Variants in NOX4 observed in about 807,000 individuals in gnomAD.
NOX4 encodes NADPH oxidase 4, also known as kidney oxidase-1.
In NOX4, 69 loss-of-function variants were observed where a neutral mutation model predicts 87.6. That is an observed-to-expected ratio of 0.79 (90% CI 0.65 to 0.96). The LOEUF is 0.96. NOX4 is among the 40% of genes least tolerant of loss of function. The probability of loss-of-function intolerance (pLI) is 0.00; values close to 1 mark genes in which losing one functional copy is unlikely to be tolerated. For synonymous variants in NOX4, 275 were observed against 238.2 expected (o/e 1.15, Z -1.42); for missense variants, 680 against 681.5 (o/e 1.00, Z 0.02).
intron 17 of NOX4, among the ~76,000 whole-genome samples, chr11:89,329,880 A>G (rs187028092): frequency 2.2e-4 from 34 of 152,156 alleles, no homozygotes; most frequent in African/African-American, 7.7e-4. Flanking sequence ...AGGACACTAA[A>G]GAAAACTACT....
chr11:89,395,664 T>C (rs1055791263), intron 11 of NOX4, among the ~76,000 whole-genome samples: 2 of 152,192 alleles, frequency 1.3e-5, no homozygotes, highest in Admixed American at 6.5e-5. Context: ...TCAATACATC[T>C]TGAATTAATT....
At chr11:89,493,724 A>T (rs12794281), upstream of NOX4, among the ~76,000 whole-genome samples, 10,938 of 45,102 alleles carry the variant, frequency 0.24, 580 homozygotes, top group East Asian at 0.55. Context: ...AGATTGTTTT[A>T]TTATTATTAT....
intron 8 of NOX4, among the ~76,000 whole-genome samples, chr11:89,404,002 A>T (rs1283351910): frequency 6.6e-6 from 1 of 152,132 alleles, no homozygotes; most frequent in African/African-American, 2.4e-5. Context: ...AGTACATGTC[A>T]GGGGCATGCA....
chr11:89,552,199 A>G, the NOX4 span, among the ~76,000 whole-genome samples: 42 of 152,196 alleles, frequency 2.8e-4, no homozygotes, highest in Non-Finnish European at 4.3e-4. Flanking sequence ...TGAAGGAAGT[A>G]CTGTTTGTTA....
chr11:89,517,043 T>G, the NOX4 span, among the ~76,000 whole-genome samples: 4 of 152,016 alleles, frequency 2.6e-5, no homozygotes, highest in Non-Finnish European at 4.4e-5. Context: ...GAATAATTAT[T>G]TTTAATATTC....
chr11:89,342,236 G>T (rs58561872), intron 13 of NOX4, 43 bp from the exon 14 acceptor site: 55,751 of 1,573,934 alleles, frequency 0.035, 1,432 homozygotes, highest in East Asian at 0.12. Flanking sequence ...ATGAAAATAA[G>T]TGAAATTAAT....
chr11:89,537,348 T>G, the NOX4 span, among the ~76,000 whole-genome samples: 1 of 151,944 alleles, frequency 6.6e-6, no homozygotes, highest in East Asian at 1.9e-4. Flanking sequence ...AAAAGCATAT[T>G]TATATCTTTT....
At chr11:89,412,201 A>G (rs541619834) in intron 8 of NOX4, among the ~76,000 whole-genome samples, 4 of 152,204 alleles carry the variant, frequency 2.6e-5, no homozygotes, top group Non-Finnish European at 5.9e-5. Context: ...AGAGAGAAAG[A>G]CTTAAATACA....
chr11:89,333,302 AAAGT>A (rs2135368605), intron 17 of NOX4, among the ~76,000 whole-genome samples: 1 of 151,930 alleles, frequency 6.6e-6, no homozygotes, highest in South Asian at 2.1e-4. Context: ...CAAAAACAAC[AAAGT>A]AAGCTGAAGA....
chr11:89,513,316 G>A, the NOX4 span, among the ~76,000 whole-genome samples: 28 of 149,856 alleles, frequency 1.9e-4, no homozygotes, highest in South Asian at 2.3e-3. Context: ...ATGAAACTCC[G>A]TCTAAAAAAA....
chr11:89,460,084 G>A (rs1005847019), intron 2 of NOX4, among the ~76,000 whole-genome samples: 1 of 152,166 alleles, frequency 6.6e-6, no homozygotes, highest in Non-Finnish European at 1.5e-5. Context: ...TTAATAAATG[G>A]TGTTGGGAAA....
At chr11:89,412,585 G>C (rs1942538065) in intron 8 of NOX4, among the ~76,000 whole-genome samples, 1 of 151,870 alleles carries the variant, frequency 6.6e-6, no homozygotes, top group Non-Finnish European at 1.5e-5. Flanking sequence ...AAATTATTGA[G>C]GAAATTTTAA....
chr11:89,419,750 C>T (rs61903454), intron 8 of NOX4, among the ~76,000 whole-genome samples: 9,067 of 151,800 alleles, frequency 0.06, 348 homozygotes, highest in Middle Eastern at 0.085. Flanking sequence ...AATATGCATT[C>T]CTTTTACTTC....
At chr11:89,528,391 A>C in the NOX4 span, among the ~76,000 whole-genome samples, 6 of 152,124 alleles carry the variant, frequency 3.9e-5, no homozygotes, top group Non-Finnish European at 7.3e-5. Context: ...TGAAATGTGA[A>C]ATGAACATGA....
the NOX4 span, among the ~76,000 whole-genome samples, chr11:89,583,466 T>C: frequency 2.0e-5 from 3 of 152,166 alleles, no homozygotes; most frequent in Admixed American, 1.3e-4. Flanking sequence ...CCTTTCCACA[T>C]TGAAATGCTA....
chr11:89,440,363 A>C (rs1478851893), intron 6 of NOX4, among the ~76,000 whole-genome samples: 1 of 151,992 alleles, frequency 6.6e-6, no homozygotes, highest in Non-Finnish European at 1.5e-5. Flanking sequence ...TGTCACGCCC[A>C]GGCTGGAGTG....
intron 11 of NOX4, among the ~76,000 whole-genome samples, chr11:89,378,595 G>T (rs1036788968): frequency 2.6e-5 from 4 of 151,864 alleles, no homozygotes; most frequent in African/African-American, 7.3e-5. Context: ...GAAGGTATCA[G>T]TTGAATAAAT....
intron 2 of NOX4, among the ~76,000 whole-genome samples, chr11:89,462,323 T>G (rs1044546434): frequency 3.3e-5 from 5 of 152,076 alleles, no homozygotes; most frequent in Admixed American, 1.3e-4. Context: ...TCGATGTAAC[T>G]CCAGTCAAAC....
At chr11:89,376,373 G>C (rs1591059078) in intron 11 of NOX4, among the ~76,000 whole-genome samples, 1 of 152,154 alleles carries the variant, frequency 6.6e-6, no homozygotes, top group Admixed American at 6.6e-5. Context: ...AAAATATCCA[G>C]ATTCACTAAT....
Sources: allele counts gnomAD v4.1 joint callset (sites outside exome capture counted in the v4.1 genomes callset), GRCh38; gene constraint gnomAD v4.1.1; transcripts MANE v1.5; gene names NCBI Gene and HGNC (gene_info 2026-07-23, HGNC 2026-07-21).